Variants in FAM20B observed in about 807,000 individuals in gnomAD.
FAM20B encodes the protein glycosaminoglycan xylosylkinase.
In FAM20B, 23 loss-of-function variants were observed where a neutral mutation model predicts 43.8. The observed-to-expected ratio is 0.53, with a 90% confidence interval of 0.38 to 0.74. The LOEUF (loss-of-function observed/expected upper bound fraction) is 0.74, where lower values mean the gene tolerates loss of function less well. Among genes scored for constraint, FAM20B ranks in the 30% least tolerant of loss-of-function variants. FAM20B has a pLI of 0.00. For synonymous variants in FAM20B, 178 were observed against 192.4 expected (o/e 0.93, Z 0.62); for missense variants, 440 against 510.5 (o/e 0.86, Z 1.33).
Position 179,064,463 on chromosome 1 carries a change from C to T in FAM20B, c.905C>T (p.Ala302Val), listed in dbSNP as rs138594430. The T allele has an allele frequency of 2.5e-6, 4 of 1,614,000 alleles. No individual in the cohort carries two copies. The highest frequency in any genetic ancestry group is 1.3e-5 in the African/African-American group (1 of 75,040). ...HYESFQDDEG[A>V]SMLILLDNAK... is the part of the protein sequence containing the mutation. ...GAGAGCTTTCAAGATGATGAAGGCG[C>T]TAGTATGCTCATCCTTCTTGATAAT... Residue 302 changes from alanine to valine, a missense_variant, in exon 6 of 8, where the codon GCT becomes GTT. By Grantham distance (64) the Ala-to-Val change is moderately conservative. Transcript: ENST00000263733.
At chr1:179,061,611 G>A (rs935135841) in intron 4 of FAM20B, among the ~76,000 whole-genome samples, 1 of 152,056 alleles carries the variant, frequency 6.6e-6, no homozygotes, top group East Asian at 1.9e-4. Context: ...GTTTCATTGT[G>A]TTGTCCAGGC....
chr1:179,056,952 G>T (rs747791207), intron 4 of FAM20B, among the ~76,000 whole-genome samples: 1 of 152,054 alleles, frequency 6.6e-6, no homozygotes, highest in Non-Finnish European at 1.5e-5. Context: ...AAGGTCTTTG[G>T]CTCATATTTA....
At chr1:179,031,517 C>G (rs960081970) in intron 1 of FAM20B, among the ~76,000 whole-genome samples, 1 of 152,058 alleles carries the variant, frequency 6.6e-6, no homozygotes, top group Non-Finnish European at 1.5e-5. Flanking sequence ...CAGTTATTGC[C>G]TATTTCATTT....
chr1:179,060,104 T>A (rs1177217011), intron 4 of FAM20B, among the ~76,000 whole-genome samples: 1 of 151,728 alleles, frequency 6.6e-6, no homozygotes, highest in Non-Finnish European at 1.5e-5. Context: ...TATATATATT[T>A]TTTTATTTAT....
chr1:179,043,869 G>T lies in FAM20B; in HGVS notation c.22G>T (p.Val8Leu). The T allele has an allele frequency of 6.2e-7, 1 of 1,603,990 alleles. No homozygotes were observed. Among genetic ancestry groups the T allele is most frequent in the Non-Finnish European group, 8.5e-7 (1 of 1,171,736 alleles). MKLKQRV[V>L]LLAILLVIFI... ...CAACATGAAGCTAAAGCAGCGAGTC[G>T]TGCTGTTAGCAATTCTCCTTGTCAT... The change falls in exon 2 of 8, where the codon GTG becomes TTG. Residue 8 changes from valine (V) to leucine (L), a missense_variant. Coordinates refer to ENST00000263733, the MANE Select transcript of FAM20B (RefSeq NM_014864.4).
intron 3 of FAM20B, among the ~76,000 whole-genome samples, chr1:179,054,108 C>CTT (rs533407615): frequency 7.2e-6 from 1 of 138,484 alleles, no homozygotes; most frequent in Non-Finnish European, 1.6e-5. Flanking sequence ...GATCAGTCTG[C>CTT]TTTTTTTTTT....
chr1:179,030,678 C>T (rs781342788), intron 1 of FAM20B, among the ~76,000 whole-genome samples: 2 of 152,176 alleles, frequency 1.3e-5, no homozygotes, highest in African/African-American at 4.8e-5. Flanking sequence ...AGTCTTTAAA[C>T]CAGAGAGTTG....
intron 1 of FAM20B, among the ~76,000 whole-genome samples, chr1:179,042,968 A>G (rs1650606282): frequency 6.6e-6 from 1 of 152,150 alleles, no homozygotes; most frequent in African/African-American, 2.4e-5. Flanking sequence ...GCGGACTCTT[A>G]ACCAGAACCG....
intron 5 of FAM20B, 56 bp from the exon 6 acceptor site, chr1:179,064,249 G>A: frequency 6.7e-7 from 1 of 1,486,886 alleles, no homozygotes; most frequent in Non-Finnish European, 9.2e-7. Context: ...CTCTTTGTGT[G>A]TAACAGTGCC....
intron 3 of FAM20B, among the ~76,000 whole-genome samples, chr1:179,051,846 C>G (rs1293877700): frequency 3.9e-5 from 6 of 152,026 alleles, no homozygotes; most frequent in African/African-American, 1.4e-4. Flanking sequence ...CGGGGTTTCA[C>G]CATGTTGGCC....
rs115005196 is a variant in FAM20B, at chr1:179,063,991, T to G, written c.639T>G (p.Asp213Glu). The change falls in exon 5 of 8, where the codon GAT becomes GAG. Residue 213 changes from aspartate to glutamate, a missense_variant. Physicochemically the swap from Asp to Glu is conservative, Grantham distance 45. Transcript: ENST00000263733. Reference sequence around the variant, plus strand: ...GAGAAACAGAACCAGCTTGTGCTGATGGAGACATAATGGAGGGATCTGTCA... The same window carrying G: ...GAGAAACAGAACCAGCTTGTGCTGAGGGAGACATAATGGAGGGATCTGTCA... ...YCRETEPACA[D>E]GDIMEGSVTL... The G allele has an allele frequency of 1.9e-6, 3 of 1,613,972 alleles. No homozygotes were observed. In the African/African-American group the frequency reaches 4.0e-5, roughly 22 times the overall value.
intron 1 of FAM20B, among the ~76,000 whole-genome samples, chr1:179,033,422 A>G (rs1013384081): frequency 1.3e-5 from 2 of 152,246 alleles, no homozygotes; most frequent in Admixed American, 6.5e-5. Flanking sequence ...TATTGCTCCT[A>G]GAAGCCATTA....
Position 179,054,568 on chromosome 1 carries a change from A to C in FAM20B, c.504A>C (p.Arg168Ser). 1 of 1,613,406 alleles carries C rather than the reference A, an allele frequency of 6.2e-7. No homozygotes were observed. Among genetic ancestry groups the C allele is most frequent in the South Asian group, 1.1e-5 (1 of 91,038 alleles). ...ACCGAGCCCCCTTGGTAGTTGGCAG[A>C]TTTGTTAATCTTCGGACAGAGATCA... is the stretch of plus-strand genomic sequence containing the variant. ...GFHRAPLVVG[R>S]FVNLRTEIKP... The change falls in exon 4 of 8, where the codon AGA becomes AGC. Residue 168 changes from arginine to serine, a missense_variant. By Grantham distance (110) the Arg-to-Ser change is moderately radical. Coordinates refer to ENST00000263733, the MANE Select transcript of FAM20B (RefSeq NM_014864.4).
chr1:179,039,090 G>T (rs1199777434), intron 1 of FAM20B, among the ~76,000 whole-genome samples: 1 of 152,126 alleles, frequency 6.6e-6, no homozygotes, highest in East Asian at 1.9e-4. Flanking sequence ...CTATTTTTTT[G>T]TATTGGTTTT....
intron 1 of FAM20B, among the ~76,000 whole-genome samples, chr1:179,040,779 G>A (rs540049648): frequency 3.3e-5 from 5 of 152,030 alleles, no homozygotes; most frequent in South Asian, 4.1e-4. Flanking sequence ...CCTCCCGGAC[G>A]GGTTGGCTGC....
At chr1:179,021,545 T>C (rs1469671975), upstream of FAM20B, among the ~76,000 whole-genome samples, 1 of 152,180 alleles carries the variant, frequency 6.6e-6, no homozygotes, top group African/African-American at 2.4e-5. Context: ...AAGTGTACAC[T>C]TTGGGGTAGT....
rs1652126161 is a variant in FAM20B, at chr1:179,076,306, A to G, written c.*4162A>G. 6.6e-6 allele frequency: 1 copy of G among 152,220 alleles called. No homozygotes were observed. Among genetic ancestry groups the G allele is most frequent in the Non-Finnish European group, 1.5e-5 (1 of 68,040 alleles). 9.4% of individuals were successfully genotyped at this position (152,220 alleles called of 1,614,324 possible). A position where few individuals can be genotyped will look rare whatever the true frequency, so the allele number is the denominator to read the frequency against. On this transcript the variant is annotated 3_prime_UTR_variant, in exon 8 of 8. Transcript: ENST00000263733. ...GGACTACCACAGGTTTTTAGGAACT[A>G]AGGTGTTTCTCATAAACACAAAATG... is the stretch of plus-strand genomic sequence containing the variant.
At chr1:179,065,421 T>G (rs1651648469) in intron 6 of FAM20B, among the ~76,000 whole-genome samples, 1 of 152,188 alleles carries the variant, frequency 6.6e-6, no homozygotes, top group African/African-American at 2.4e-5. Context: ...ACAGGTGTAG[T>G]GCCACACTTT....
At position 179,071,970 on chromosome 1, in the gene FAM20B, T is replaced by C; in HGVS notation, c.1056T>C (p.Ser352=). 1.2e-6 allele frequency: 2 copies of C among 1,614,200 alleles called. No individual in the cohort carries two copies. The highest frequency in any genetic ancestry group is 8.5e-7 in the Non-Finnish European group (1 of 1,180,040). Reference sequence around the variant, plus strand: ...ACCTAAAGAATGGTGTGCTAAAGTCTGCCTTAAAATCTGCCATGGCCCATG... The same window carrying C: ...ACCTAAAGAATGGTGTGCTAAAGTCCGCCTTAAAATCTGCCATGGCCCATG... The part of the protein sequence containing the change: ...LNYLKNGVLK[S]ALKSAMAHDP... The change falls in exon 8 of 8, where the codon TCT becomes TCC. Residue 352 remains serine, a synonymous_variant. Coordinates refer to ENST00000263733, the MANE Select transcript of FAM20B (RefSeq NM_014864.4).
Sources: gnomAD v4.1 joint callset for allele counts (sites outside exome capture counted in the v4.1 genomes callset) on GRCh38, gnomAD v4.1.1 for gene constraint, MANE v1.5 for transcripts, NCBI Gene and HGNC (gene_info 2026-07-23, HGNC 2026-07-21) for gene names.